VRK1: variants seen among roughly 807,000 people sequenced by gnomAD.
The protein encoded by VRK1 is VRK serine/threonine kinase 1.
Under a neutral mutation model 57.1 loss-of-function variants are expected in VRK1, and 33 were observed. The ratio of observed to expected loss-of-function variants is 0.58; its 90% confidence interval spans 0.44 to 0.77. The LOEUF (loss-of-function observed/expected upper bound fraction) is 0.77. Among genes scored for constraint, VRK1 ranks in the 30% least tolerant of loss-of-function variants. The pLI, the probability that VRK1 is intolerant of heterozygous loss-of-function variation, is 0.00. For missense variants in VRK1, 413 were observed against 477.3 expected, an observed-to-expected ratio of 0.87 and a Z score of 1.25; for synonymous variants, 137 against 147.8, an observed-to-expected ratio of 0.93 and a Z score of 0.53.
intron 7 of VRK1, among the ~76,000 whole-genome samples, chr14:96,854,321 A>C (rs1054910192): frequency 5.9e-5 from 9 of 152,292 alleles, no homozygotes; most frequent in African/African-American, 1.9e-4. Flanking sequence ...TGACTAAAAC[A>C]TGCTGCCTTT....
At chr14:96,842,096 A>G (rs941956630) in intron 3 of VRK1, among the ~76,000 whole-genome samples, 9 of 152,156 alleles carry the variant, frequency 5.9e-5, no homozygotes, top group African/African-American at 2.2e-4. Flanking sequence ...GACCTTGTCA[A>G]TAAAGCTTGT....
intron 1 of VRK1, among the ~76,000 whole-genome samples, chr14:96,801,527 C>G (rs1439723927): frequency 6.6e-6 from 1 of 151,996 alleles, no homozygotes; most frequent in Non-Finnish European, 1.5e-5. Context: ...CAACAGCTAT[C>G]AACATAGAGA....
intron 5 of VRK1, among the ~76,000 whole-genome samples, chr14:96,848,506 T>A (rs1446957266): frequency 6.6e-6 from 1 of 152,210 alleles, no homozygotes; most frequent in Non-Finnish European, 1.5e-5. Flanking sequence ...GCAGCCAGTG[T>A]TGTTTACTTG....
At position 96,874,179 on chromosome 14, in the gene VRK1, A is replaced by G. The variant is rs1888935558; in HGVS notation, c.1069-1851A>G. Among the ~76,000 whole-genome samples, 4 of 152,194 alleles carry G rather than the reference A, an allele frequency of 2.6e-5. No individual in the cohort carries two copies. In the South Asian group the frequency reaches 8.3e-4, roughly 32 times the overall value. On this transcript the variant is annotated intron_variant, in intron 11 of 12. Coordinates refer to ENST00000216639, the MANE Select transcript of VRK1 (RefSeq NM_003384.3). ...GTATGGAAAGCAATATAGTACTGAA[A>G]TATTCCTCCTTAATTTTGGTCTGAA... is the stretch of plus-strand genomic sequence containing the variant.
intron 1 of VRK1, among the ~76,000 whole-genome samples, chr14:96,812,580 ATTT>A (rs1886247196): frequency 1.3e-5 from 2 of 152,074 alleles, no homozygotes; most frequent in Non-Finnish European, 1.5e-5. Context: ...TCCTTTACCC[ATTT>A]TTAAACTGGC....
At chr14:96,864,736 GT>G (rs1888517641) in intron 11 of VRK1, among the ~76,000 whole-genome samples, 1 of 152,152 alleles carries the variant, frequency 6.6e-6, no homozygotes, top group African/African-American at 2.4e-5. Context: ...AGGAGTTCCA[GT>G]TGCTCACTGA....
chr14:96,862,251 G>GAT, intron 11 of VRK1, among the ~76,000 whole-genome samples: 1 of 152,292 alleles, frequency 6.6e-6, no homozygotes, highest in African/African-American at 2.4e-5. Flanking sequence ...GGTGTCCTTG[G>GAT]ATAGTTCAGA....
intron 11 of VRK1, among the ~76,000 whole-genome samples, chr14:96,868,801 CT>C (rs34215586): frequency 0.45 from 56,185 of 124,120 alleles, 11,956 homozygotes; most frequent in African/African-American, 0.59. Context: ...CATTTCTGTG[CT>C]TTTTTTTTTT....
intron 1 of VRK1, among the ~76,000 whole-genome samples, chr14:96,814,645 G>A (rs903081591): frequency 1.3e-5 from 2 of 152,014 alleles, no homozygotes; most frequent in South Asian, 2.1e-4. Context: ...ATATGTACAC[G>A]CGTGGGGATA....
intron 1 of VRK1, among the ~76,000 whole-genome samples, chr14:96,831,300 G>T (rs973930394): frequency 1.4e-4 from 21 of 152,176 alleles, no homozygotes; most frequent in Non-Finnish European, 2.8e-4. Context: ...TTGTCCATAG[G>T]TGTTGAGTTT....
At chr14:96,848,271 C>T (rs186690842) in intron 5 of VRK1, among the ~76,000 whole-genome samples, 2 of 152,278 alleles carry the variant, frequency 1.3e-5, no homozygotes, top group East Asian at 3.9e-4. Context: ...AAAATGGTAT[C>T]TATCGTGTGT....
intron 1 of VRK1, among the ~76,000 whole-genome samples, chr14:96,817,338 T>G (rs570270130): frequency 6.6e-6 from 1 of 152,284 alleles, no homozygotes; most frequent in Non-Finnish European, 1.5e-5. Context: ...TTGCAGGTAT[T>G]TTTAATTTGT....
At chr14:96,839,369 T>C (rs1887361471) in intron 3 of VRK1, among the ~76,000 whole-genome samples, 2 of 133,424 alleles carry the variant, frequency 1.5e-5, no homozygotes, top group Non-Finnish European at 3.5e-5. Context: ...ATAAATACTT[T>C]GAGTTGCTGG....
intron 11 of VRK1, 145 bp downstream of exon 11, chr14:96,860,880 T>C (rs1359442519): frequency 2.7e-6 from 2 of 733,502 alleles, no homozygotes; most frequent in Admixed American, 5.6e-5. Flanking sequence ...ATACAGAAAA[T>C]GTGTAGAGGG....
At chr14:96,836,518 CTTTTTTTTTTTTT>C (rs10560354) in intron 2 of VRK1, among the ~76,000 whole-genome samples, 1 of 89,442 alleles carries the variant, frequency 1.1e-5, no homozygotes, top group Admixed American at 1.3e-4. Context: ...ACATCAGGGT[CTTTTTTTTTTTTT>C]TTTTTTTTTG....
chr14:96,810,815 C>T (rs1404666074), intron 1 of VRK1, among the ~76,000 whole-genome samples: 2 of 152,150 alleles, frequency 1.3e-5, no homozygotes, highest in Non-Finnish European at 2.9e-5. Flanking sequence ...CTAAAATATT[C>T]ATAACATCTC....
intron 1 of VRK1, among the ~76,000 whole-genome samples, chr14:96,805,404 A>G (rs76437572): frequency 0.064 from 9,683 of 152,230 alleles, 350 homozygotes; most frequent in South Asian, 0.12. Context: ...TAACAGATCT[A>G]TGTTTTTGCC....
intron 11 of VRK1, among the ~76,000 whole-genome samples, chr14:96,862,033 T>A (rs1479549263): frequency 6.6e-6 from 1 of 152,244 alleles, no homozygotes; most frequent in African/African-American, 2.4e-5. Flanking sequence ...AGTAAAGATC[T>A]CTGCTGCTAT....
chr14:96,868,359 G>A (rs1019016338), intron 11 of VRK1, among the ~76,000 whole-genome samples: 6 of 152,088 alleles, frequency 3.9e-5, no homozygotes, highest in Non-Finnish European at 7.3e-5. Flanking sequence ...AAGCTATAAG[G>A]GTGGGACCGT....
Sources: gnomAD v4.1 joint callset for allele counts (sites outside exome capture counted in the v4.1 genomes callset) on GRCh38, gnomAD v4.1.1 for gene constraint, MANE v1.5 for transcripts, NCBI Gene and HGNC (gene_info 2026-07-23, HGNC 2026-07-21) for gene names.